AHDC1: variants seen among roughly 807,000 people sequenced by gnomAD.
AHDC1 encodes the protein transcription factor Gibbin.
Under a neutral mutation model 87.9 loss-of-function variants are expected in AHDC1, and 7 were observed. The ratio of observed to expected loss-of-function variants is 0.08; its 90% CI spans 0.05 to 0.15. AHDC1 has a LOEUF of 0.15. AHDC1 is among the 10% of genes least tolerant of loss of function. The pLI is 1.00. For synonymous variants in AHDC1, 1,051 were observed against 1,006.8 expected, an observed-to-expected ratio of 1.04 and a Z score of -0.83; for missense variants, 1,841 against 2,253.2, an observed-to-expected ratio of 0.82 and a Z score of 3.70.
chr1:27,550,794 G>A lies in AHDC1; in HGVS notation c.1322C>T (p.Pro441Leu). The change falls in exon 8 of 9, where the codon CCA (proline) becomes CTA (leucine). Residue 441 changes from proline to leucine, a missense_variant. Pro to Leu is a moderately conservative substitution (Grantham distance 98). Around this residue, in one of 13 missense-constraint regions of AHDC1, gnomAD observed 370 missense variants for 391.5 expected, o/e 0.95. Transcript: ENST00000673934. ...PPPPPPPPAL[P>L]GPGPVSVPEL... is the part of the protein sequence containing the mutation. The stretch of plus-strand genomic sequence containing the variant: ...TGGGACTGAGACCGGGCCTGGGCCT[G>A]GCAGGGCAGGGGGTGGAGGAGGCGG... 3 of 1,567,092 alleles carry A rather than the reference G, an allele frequency of 1.9e-6. No individual in the cohort carries two copies. The highest frequency in any genetic ancestry group is 3.3e-4 in the Middle Eastern group (2 of 6,006).
intron 3 of AHDC1, among the ~76,000 whole-genome samples, chr1:27,586,937 G>A (rs751594135): frequency 1.1e-4 from 16 of 152,178 alleles, no homozygotes; most frequent in Non-Finnish European, 1.6e-4. Flanking sequence ...TCAGGTCTCG[G>A]CAAGACCCCC....
intron 8 of AHDC1, among the ~76,000 whole-genome samples, chr1:27,537,026 C>T (rs1274676081): frequency 6.6e-6 from 1 of 152,196 alleles, no homozygotes; most frequent in African/African-American, 2.4e-5. Context: ...CGCGTCTCAC[C>T]TTCCTCCTCC....
At chr1:27,581,427 G>GA (rs748203208) in intron 3 of AHDC1, among the ~76,000 whole-genome samples, 1,984 of 117,598 alleles carry the variant, frequency 0.017, 35 homozygotes, top group African/African-American at 0.048. Context: ...GTAACCAAGA[G>GA]AAAAAAAAAA....
At position 27,596,557 on chromosome 1, in the gene AHDC1, A is replaced by G. The variant is rs532641196; in HGVS notation, c.-629+6840T>C. Among the ~76,000 whole-genome samples, 6 of 152,084 alleles carry G rather than the reference A, an allele frequency of 3.9e-5. No individual in the cohort carries two copies. The East Asian group carries it at 9.7e-4, about 24-fold the overall frequency. On this transcript the variant is annotated intron_variant, in intron 3 of 8. Transcript: ENST00000673934. ...GGATGTTCCTGTTCAGGTAGCACTC[A>G]GGCCTTGGAAAACACTGCTCCAATC...
In AHDC1 at chr1:27,598,359, C is replaced by A. The variant is rs2089433281; in HGVS notation, c.-629+5038G>T. On this transcript the variant is annotated intron_variant, in intron 3 of 8. Transcript: ENST00000673934. This position sits in a 1 kb window ranked among gnomAD's most constrained non-coding sequence, Gnocchi z 4.2. ...AGGGCCTCACTTTACTCTCACTTCACCATTGCCCCCGGAGCCAGGCCCTGC... is the reference window on the plus strand; with the variant it reads ...AGGGCCTCACTTTACTCTCACTTCAACATTGCCCCCGGAGCCAGGCCCTGC... 6.6e-6 allele frequency among the ~76,000 whole-genome samples: 1 copy of A among 152,198 alleles called. No homozygotes were observed. Among genetic ancestry groups the A allele is most frequent in the South Asian group, 2.1e-4 (1 of 4,830 alleles).
In AHDC1 at chr1:27,571,724, TC is replaced by T. The variant is rs530532301; in HGVS notation, c.-628-12842del. ...GCCCTGGGGCTGGCCCCCAGCCCCCTCCCCTCCCCCTCCCAGGCTGGCATGG... is the reference window on the plus strand; with the variant it reads ...GCCCTGGGGCTGGCCCCCAGCCCCCTCCCTCCCCCTCCCAGGCTGGCATGG... On this transcript the variant is annotated intron_variant, in intron 3 of 8. Transcript: ENST00000673934. Among the ~76,000 whole-genome samples the T allele has an allele frequency of 4.3e-4, 61 of 142,624 alleles. 1 individual carries two copies. In the East Asian group the frequency reaches 0.014, roughly 33 times the overall value. The allele number at this position is 142,624 out of a possible 152,430, so 93.6% of individuals were successfully genotyped here.
intron 3 of AHDC1, among the ~76,000 whole-genome samples, chr1:27,574,699 C>CA (rs2088654225): frequency 1.3e-5 from 2 of 152,134 alleles, no homozygotes; most frequent in African/African-American, 4.8e-5. Flanking sequence ...GCTGAGTTGC[C>CA]AAAAGGTTCA....
chr1:27,596,749 C>T lies in AHDC1; in HGVS notation c.-629+6648G>A, dbSNP rs144240164. 2.7e-4 allele frequency among the ~76,000 whole-genome samples: 41 copies of T among 152,188 alleles called. 1 individual carries two copies. The East Asian group carries it at 3.9e-3, about 14-fold the overall frequency. On this transcript the variant is annotated intron_variant, in intron 3 of 8. Coordinates refer to ENST00000673934, the MANE Select transcript of AHDC1 (RefSeq NM_001371928.1). ...CCTTCATATATGTACCCCCATCACA[C>T]ATACCCCACCCTGCAAAACCCACAG...
chr1:27,585,128 TG>T (rs1224143994), intron 3 of AHDC1, among the ~76,000 whole-genome samples: 1 of 151,452 alleles, frequency 6.6e-6, no homozygotes, highest in Admixed American at 6.6e-5. Flanking sequence ...GCAGGTGTGG[TG>T]GTGCACACCT....
rs1026343939 is a variant in AHDC1, at chr1:27,593,391, G to A, written c.-629+10006C>T. 7.9e-5 allele frequency among the ~76,000 whole-genome samples: 12 copies of A among 152,178 alleles called. No homozygotes were observed. The highest frequency in any genetic ancestry group is 1.7e-4 in the African/African-American group (7 of 41,426). On this transcript the variant is annotated intron_variant, in intron 3 of 8. Coordinates refer to ENST00000673934, the MANE Select transcript of AHDC1 (RefSeq NM_001371928.1). This position sits in a 1 kb window ranked among gnomAD's most constrained non-coding sequence, Gnocchi z 4.9. Reference sequence around the variant, plus strand: ...AATGCCCCAGAGTCTACCGCAGTGTGCCCACTGCTGCCGCCACCACTACCC... The same window carrying A: ...AATGCCCCAGAGTCTACCGCAGTGTACCCACTGCTGCCGCCACCACTACCC...
At chr1:27,580,351 C>T (rs567278358) in intron 3 of AHDC1, among the ~76,000 whole-genome samples, 3 of 152,302 alleles carry the variant, frequency 2.0e-5, no homozygotes, top group South Asian at 2.1e-4. Context: ...AAATGAAATC[C>T]GCATCTCCAG....
rs1380267065 is a variant in AHDC1 at position 27,565,706 on chromosome 1, G to T, written c.-628-6823C>A. Among the ~76,000 whole-genome samples the T allele has an allele frequency of 6.6e-6, 1 of 152,208 alleles. No homozygotes were observed. The highest frequency in any genetic ancestry group is 1.5e-5 in the Non-Finnish European group (1 of 68,048). Reference sequence around the variant, plus strand: ...CCCTATACCATCTGGGGAAACTGAGGCACAGTCTGAACTTGCCATCATTTT... The same window carrying T: ...CCCTATACCATCTGGGGAAACTGAGTCACAGTCTGAACTTGCCATCATTTT... On this transcript the variant is annotated intron_variant, in intron 3 of 8. Transcript: ENST00000673934. The surrounding 1 kb of genome is among the most constrained non-coding windows in gnomAD (Gnocchi z 4.6).
At chr1:27,536,942 C>G (rs370751056) in intron 8 of AHDC1, among the ~76,000 whole-genome samples, 2 of 152,034 alleles carry the variant, frequency 1.3e-5, no homozygotes, top group South Asian at 4.2e-4. Flanking sequence ...GCAGGCGGCT[C>G]CTGCCAGAAC....
At chr1:27,567,555 C>A (rs1211606842) in intron 3 of AHDC1, among the ~76,000 whole-genome samples, 2 of 152,176 alleles carry the variant, frequency 1.3e-5, no homozygotes, top group Non-Finnish European at 2.9e-5. Flanking sequence ...TTCCACCAGG[C>A]CAGGCTATTG....
Position 27,558,871 on chromosome 1 carries a change from G to C in AHDC1, c.-616C>G. ...GTCCAGGCCGATGGGTTGACAATCA[G>C]GCAAGCTCCCATCTGTGGAAGCAAA... On this transcript the variant is annotated 5_prime_UTR_variant, in exon 4 of 9. Transcript: ENST00000673934. The surrounding 1 kb of genome is among the most constrained non-coding windows in gnomAD (Gnocchi z 5.6). The C allele has an allele frequency of 5.0e-6, 2 of 398,680 alleles. No individual in the cohort carries two copies. Among genetic ancestry groups the C allele is most frequent in the Admixed American group, 4.4e-5 (1 of 22,746 alleles). The allele number at this position is 398,680 out of a possible 1,614,324, so 24.7% of individuals were successfully genotyped here.
intron 8 of AHDC1, among the ~76,000 whole-genome samples, chr1:27,540,189 T>A (rs749222193): frequency 9.9e-5 from 15 of 152,260 alleles, no homozygotes; most frequent in South Asian, 2.1e-4. Context: ...CCTTTCCCTC[T>A]TTGTAAACTG....
At chr1:27,579,942 A>G (rs1313718007) in intron 3 of AHDC1, among the ~76,000 whole-genome samples, 1 of 152,238 alleles carries the variant, frequency 6.6e-6, no homozygotes, top group East Asian at 1.9e-4. Context: ...GGTTCTAGAC[A>G]GTGCTGCCCG....
At position 27,548,647 on chromosome 1, in the gene AHDC1, TCTG is replaced by T. The variant is rs1557658929; in HGVS notation, c.3466_3468del (p.Gln1156del). Reference sequence around the variant, plus strand: ...TCAGAGAAGGTCTCCGACACAGCCGTCTGCTGCTTCACCTTCTGCGGTGTGTAG... The same window carrying T: ...TCAGAGAAGGTCTCCGACACAGCCGTCTGCTTCACCTTCTGCGGTGTGTAG... On this transcript the variant is annotated inframe_deletion, in exon 8 of 9. Transcript: ENST00000673934. 1.2e-6 allele frequency: 2 copies of T among 1,613,430 alleles called. No individual in the cohort carries two copies. Among genetic ancestry groups the T allele is most frequent in the South Asian group, 2.2e-5 (2 of 91,082 alleles).
rs781221156 is a variant in AHDC1, at chr1:27,550,529, G to A, written c.1587C>T (p.Asn529=). ...CACCGGGTGGGAAGACCACTACCAC[G>A]TTCCGCCCATTGTTCTTCATCTTCA... ...PLLKMKNNGR[N]VVVVFPPGEM... The change falls in exon 8 of 9, where the codon AAC becomes AAT. Residue 529 remains asparagine, a synonymous_variant. Transcript: ENST00000673934. 20 of 1,611,842 alleles carry A rather than the reference G, an allele frequency of 1.2e-5. No individual in the cohort carries two copies. Among genetic ancestry groups the A allele is most frequent in the Non-Finnish European group, 1.7e-5 (20 of 1,178,366 alleles).
Sources: gnomAD v4.1 joint callset for allele counts (sites outside exome capture counted in the v4.1 genomes callset) on GRCh38, gnomAD v4.1.1 for gene constraint, gnomAD v4.1.1 regional missense constraint, Gnocchi (gnomAD v3.1) non-coding constraint, MANE v1.5 for transcripts, NCBI Gene and HGNC (gene_info 2026-07-23, HGNC 2026-07-21) for gene names.